Variants in TRPM1 observed in about 807,000 individuals in gnomAD.
The protein encoded by TRPM1 is TRPM1-203 APA Isoform, Intron 10.
TRPM1 carries 113 observed loss-of-function variants against 149.4 expected under a neutral mutation model. The ratio of observed to expected loss-of-function variants is 0.76; its 90% CI spans 0.65 to 0.88. TRPM1 has a LOEUF of 0.88. TRPM1 is among the 40% of genes least tolerant of loss of function. The probability of loss-of-function intolerance (pLI) is 0.00; values close to 1 mark genes in which losing one functional copy is unlikely to be tolerated. For synonymous variants in TRPM1, 741 were observed against 759.5 expected (o/e 0.98, Z 0.40); for missense variants, 1,976 against 2,038.7 (o/e 0.97, Z 0.59).
chr15:31,112,929 T>TA (rs1555430435), intron 1 of TRPM1, among the ~76,000 whole-genome samples: 1 of 152,210 alleles, frequency 6.6e-6, no homozygotes. Flanking sequence ...TACCTCTTAA[T>TA]ATTTCACATA....
At chr15:31,074,982 T>A (rs2034652369) in intron 3 of TRPM1, among the ~76,000 whole-genome samples, 1 of 152,180 alleles carries the variant, frequency 6.6e-6, no homozygotes, top group South Asian at 2.1e-4. Context: ...AGTTTCCAAT[T>A]TTTTTCCTCC....
Position 31,060,595 on chromosome 15 carries a change from G to A in TRPM1, c.1212C>T (p.Asn404=). ...PDQLSLALAW[N]RVDIARSQIF... ...TCTGGCTTCGTGCTATGTCCACGCG[G>A]TTCCAAGCCAGTGCCAAGCTCAGCT... The change falls in exon 11 of 28, where the codon AAC becomes AAT. Residue 404 remains asparagine, a synonymous_variant. Coordinates refer to ENST00000256552, the MANE Select transcript of TRPM1 (RefSeq NM_001252024.2). 1.2e-6 allele frequency: 2 copies of A among 1,614,260 alleles called. No homozygotes were observed. Among genetic ancestry groups the A allele is most frequent in the Non-Finnish European group, 1.7e-6 (2 of 1,180,044 alleles).
intron 1 of TRPM1, among the ~76,000 whole-genome samples, chr15:31,096,789 T>C (rs759282996): frequency 9.9e-5 from 15 of 152,202 alleles, no homozygotes; most frequent in Admixed American, 2.0e-4. Flanking sequence ...CTGGCAGTGC[T>C]CCCATGGTCC....
intron 9 of TRPM1, among the ~76,000 whole-genome samples, chr15:31,062,353 G>A (rs1248051519): frequency 6.6e-6 from 1 of 152,166 alleles, no homozygotes; most frequent in Non-Finnish European, 1.5e-5. Flanking sequence ...GTGGTGTCAT[G>A]CCCCACTTGC....
At chr15:31,143,044 C>T (rs1395621750) in intron 1 of TRPM1, among the ~76,000 whole-genome samples, 1 of 152,214 alleles carries the variant, frequency 6.6e-6, no homozygotes, top group Non-Finnish European at 1.5e-5. Flanking sequence ...CCATTGCCAC[C>T]TTAAGTCTGG....
At position 31,037,786 on chromosome 15, in the gene TRPM1, T is replaced by C. The variant is rs34915313; in HGVS notation, c.2496A>G (p.Lys832=). 2.3e-4 allele frequency: 373 copies of C among 1,614,186 alleles called. No individual in the cohort carries two copies. The highest frequency in any genetic ancestry group is 4.2e-4 in the Admixed American group (25 of 60,020). The change falls in exon 20 of 28, where the codon AAA becomes AAG. Residue 832 remains lysine (K), a synonymous_variant. Coordinates refer to ENST00000256552, the MANE Select transcript of TRPM1 (RefSeq NM_001252024.2). ...TTGTTCCGATGGGAATACTTCTCTG[T>C]TTTTTGTGCTCGTTCTCCTCATCCC... is the stretch of plus-strand genomic sequence containing the variant. ...RKGDEENEHK[K]QRSIPIGTKI... is the part of the protein sequence containing the mutation.
At chr15:31,119,857 T>C (rs11854939) in intron 1 of TRPM1, among the ~76,000 whole-genome samples, 2 of 152,058 alleles carry the variant, frequency 1.3e-5, no homozygotes, top group South Asian at 2.1e-4. Flanking sequence ...ACTAAAAAGA[T>C]AATTAATATG....
At chr15:31,150,903 G>A (rs1283137943) in intron 1 of TRPM1, among the ~76,000 whole-genome samples, 1 of 152,128 alleles carries the variant, frequency 6.6e-6, no homozygotes, top group Non-Finnish European at 1.5e-5. Context: ...TGCGCAGTAA[G>A]GGGAACAAAG....
intron 27 of TRPM1, among the ~76,000 whole-genome samples, chr15:31,015,058 T>C (rs868183221): frequency 2.0e-5 from 3 of 152,044 alleles, no homozygotes; most frequent in South Asian, 4.1e-4. Context: ...AATAAACAGA[T>C]GAGATTATAA....
At chr15:31,087,717 A>G (rs571840819) in intron 1 of TRPM1, among the ~76,000 whole-genome samples, 1 of 152,304 alleles carries the variant, frequency 6.6e-6, no homozygotes, top group South Asian at 2.1e-4. Flanking sequence ...ACATACCACA[A>G]CAGGGATGGA....
chr15:31,057,256 G>A (rs143099379), intron 11 of TRPM1, among the ~76,000 whole-genome samples: 93 of 152,328 alleles, frequency 6.1e-4, no homozygotes, highest in Middle Eastern at 6.8e-3. Flanking sequence ...GGATGGAGAT[G>A]GAGGCCATTA....
chr15:31,028,739 G>C (rs1485816912), intron 24 of TRPM1, among the ~76,000 whole-genome samples: 1 of 151,438 alleles, frequency 6.6e-6, no homozygotes. Flanking sequence ...GTGACTGAGC[G>C]AGACTCCCAG....
At position 31,113,668 on chromosome 15, in the gene TRPM1, C is replaced by A. The variant is rs117323796; in HGVS notation, c.55-36684G>T. Among the ~76,000 whole-genome samples the A allele has an allele frequency of 5.2e-3, 793 of 152,296 alleles. 7 individuals carry two copies. Among genetic ancestry groups the A allele is most frequent in the Non-Finnish European group, 9.1e-3 (621 of 68,020 alleles). On this transcript the variant is annotated intron_variant, in intron 1 of 26. Transcript: ENST00000542188. ...TATCAACTAGTTTTTTGCCCTCCAT[C>A]ACCCACGTTTTAAGACTACTGTGCC...
intron 1 of TRPM1, among the ~76,000 whole-genome samples, chr15:31,144,704 T>C (rs2036202087): frequency 6.7e-6 from 1 of 150,228 alleles, no homozygotes; most frequent in Admixed American, 6.7e-5. Context: ...CTTTTCATTG[T>C]TTTTGAGATT....
chr15:31,027,157 T>C, intron 25 of TRPM1, 40 bp from the exon 26 acceptor site: 1 of 1,588,414 alleles, frequency 6.3e-7, no homozygotes, highest in Non-Finnish European at 8.6e-7. Context: ...TTATATTACT[T>C]TTTATAGTGA....
chr15:31,054,704 C>T (rs926269929), intron 11 of TRPM1, among the ~76,000 whole-genome samples: 1 of 152,128 alleles, frequency 6.6e-6, no homozygotes, highest in Admixed American at 6.5e-5. Flanking sequence ...TTATGGTATA[C>T]ATGATGCTTA....
chr15:31,068,364 G>A (rs1188164143), intron 4 of TRPM1, among the ~76,000 whole-genome samples: 1 of 152,162 alleles, frequency 6.6e-6, no homozygotes, highest in African/African-American at 2.4e-5. Context: ...GATTCCCAAT[G>A]CAATAGTGTT....
At chr15:31,007,987 A>G (rs1386564213) in intron 27 of TRPM1, among the ~76,000 whole-genome samples, 1 of 152,206 alleles carries the variant, frequency 6.6e-6, no homozygotes, top group East Asian at 1.9e-4. Flanking sequence ...TCAATTACAC[A>G]CTGATGGTAT....
intron 27 of TRPM1, among the ~76,000 whole-genome samples, chr15:31,015,806 C>T (rs1230200122): frequency 6.6e-6 from 1 of 152,178 alleles, no homozygotes; most frequent in Non-Finnish European, 1.5e-5. Flanking sequence ...TTAATCTTAA[C>T]ACCCTATAGA....
Sources: allele counts gnomAD v4.1 joint callset (sites outside exome capture counted in the v4.1 genomes callset), GRCh38; gene constraint gnomAD v4.1.1; transcripts MANE v1.5; gene names NCBI Gene and HGNC (gene_info 2026-07-23, HGNC 2026-07-21).